HMGCLL1: variants seen among roughly 807,000 people sequenced by gnomAD.
The protein encoded by HMGCLL1 is 3-hydroxymethyl-3-methylglutaryl-CoA lyase, cytoplasmic.
Under a neutral mutation model 39.1 loss-of-function variants are expected in HMGCLL1, and 36 were observed. The ratio of observed to expected loss-of-function variants is 0.92; its 90% confidence interval spans 0.71 to 1.22. The LOEUF (loss-of-function observed/expected upper bound fraction) is 1.22. HMGCLL1 is among the 50% of genes most tolerant of loss of function. HMGCLL1 has a pLI of 0.00. For missense variants in HMGCLL1, 451 were observed against 416.5 expected (o/e 1.08, Z -0.72); for synonymous variants, 149 against 144.0 (o/e 1.03, Z -0.25).
chr6:55,577,679 C>A (rs1224291914), intron 1 of HMGCLL1, among the ~76,000 whole-genome samples: 1 of 152,060 alleles, frequency 6.6e-6, no homozygotes, highest in Admixed American at 6.5e-5. Context: ...AAAGAAAAAT[C>A]ATATAAACTC....
intron 7 of HMGCLL1, among the ~76,000 whole-genome samples, chr6:55,458,406 A>T (rs1764418977): frequency 2.0e-5 from 3 of 152,162 alleles, no homozygotes; most frequent in Non-Finnish European, 4.4e-5. Flanking sequence ...TGCATGTGTG[A>T]CTCAAGGTGG....
chr6:55,560,326 C>T (rs939789077), intron 1 of HMGCLL1, among the ~76,000 whole-genome samples: 4 of 152,078 alleles, frequency 2.6e-5, no homozygotes, highest in African/African-American at 7.2e-5. Context: ...TAGGAAATGA[C>T]GCCTAGTGGC....
At chr6:55,526,955 C>A (rs376825273) in intron 3 of HMGCLL1, among the ~76,000 whole-genome samples, 3 of 151,986 alleles carry the variant, frequency 2.0e-5, no homozygotes, top group African/African-American at 7.2e-5. Flanking sequence ...TGAAGTCTAA[C>A]ATCAACAGAA....
intron 7 of HMGCLL1, among the ~76,000 whole-genome samples, chr6:55,492,953 C>T (rs1272275024): frequency 6.6e-6 from 1 of 151,978 alleles, no homozygotes; most frequent in Admixed American, 6.6e-5. Flanking sequence ...CAGTATCGAT[C>T]TCTCCCCTCA....
the HMGCLL1 span, among the ~76,000 whole-genome samples, chr6:55,592,847 A>G: frequency 3.9e-5 from 6 of 152,232 alleles, no homozygotes; most frequent in South Asian, 6.2e-4. Flanking sequence ...CAACTAAGTT[A>G]CTACCAACAC....
the HMGCLL1 span, among the ~76,000 whole-genome samples, chr6:55,641,885 T>C: frequency 8.8e-6 from 1 of 113,684 alleles, no homozygotes; most frequent in Non-Finnish European, 1.8e-5. Flanking sequence ...TATTTTTATT[T>C]ATTTATTTAT....
At chr6:55,500,197 C>T (rs1766803550) in intron 5 of HMGCLL1, among the ~76,000 whole-genome samples, 1 of 151,922 alleles carries the variant, frequency 6.6e-6, no homozygotes, top group Non-Finnish European at 1.5e-5. Context: ...GTTTAGAAAG[C>T]AAAGCCTTTG....
At chr6:55,479,558 T>C (rs958623776) in intron 7 of HMGCLL1, among the ~76,000 whole-genome samples, 4 of 151,662 alleles carry the variant, frequency 2.6e-5, no homozygotes, top group Non-Finnish European at 4.4e-5. Flanking sequence ...TAAGTGATCT[T>C]CATGTAATAT....
intron 3 of HMGCLL1, among the ~76,000 whole-genome samples, chr6:55,541,016 CAGG>C (rs201907937): frequency 0.011 from 1,732 of 152,196 alleles, 14 homozygotes; most frequent in Middle Eastern, 0.031. Context: ...GAAATGATAT[CAGG>C]AGTAGTCAGT....
At chr6:55,523,713 G>A (rs116250112) in intron 3 of HMGCLL1, among the ~76,000 whole-genome samples, 1 of 151,954 alleles carries the variant, frequency 6.6e-6, no homozygotes, top group Non-Finnish European at 1.5e-5. Context: ...GTAGAGTAGA[G>A]CAAGAGTGCA....
intron 7 of HMGCLL1, among the ~76,000 whole-genome samples, chr6:55,463,256 TCCTGA>T (rs1253399988): frequency 6.6e-6 from 1 of 151,956 alleles, no homozygotes; most frequent in Non-Finnish European, 1.5e-5. Context: ...GGTCTCGAAC[TCCTGA>T]CCTCAGGCAA....
At chr6:55,543,614 T>C (rs1769778525) in intron 1 of HMGCLL1, among the ~76,000 whole-genome samples, 1 of 144,202 alleles carries the variant, frequency 6.9e-6, no homozygotes. Flanking sequence ...GCCAGCACTT[T>C]GGAAGGCCAA....
At chr6:55,676,218 T>C in the HMGCLL1 span, among the ~76,000 whole-genome samples, 5 of 152,022 alleles carry the variant, frequency 3.3e-5, no homozygotes, top group Non-Finnish European at 5.9e-5. Flanking sequence ...CAAACACTCT[T>C]ATGCTTAATG....
the HMGCLL1 span, among the ~76,000 whole-genome samples, chr6:55,658,174 G>A: frequency 3.3e-5 from 5 of 151,882 alleles, no homozygotes; most frequent in African/African-American, 4.8e-5. Context: ...GACAAGACTT[G>A]AGAATAGATG....
At chr6:55,664,317 C>T in the HMGCLL1 span, among the ~76,000 whole-genome samples, 4 of 151,656 alleles carry the variant, frequency 2.6e-5, no homozygotes, top group African/African-American at 7.3e-5. Context: ...AATGGTCTTT[C>T]CATATTTAGT....
At chr6:55,500,667 C>T (rs1766835330) in intron 5 of HMGCLL1, among the ~76,000 whole-genome samples, 1 of 151,904 alleles carries the variant, frequency 6.6e-6, no homozygotes, top group African/African-American at 2.4e-5. Flanking sequence ...AGACAGGAAG[C>T]TCATCCCTCC....
rs1767605371 is a variant in HMGCLL1 at position 55,514,055 on chromosome 6, C to T, written c.535G>A (p.Ala179Thr). 6.2e-7 allele frequency: 1 copy of T among 1,610,474 alleles called. No homozygotes were observed. The highest frequency in any genetic ancestry group is 1.7e-5 in the Admixed American group (1 of 59,408). ...VKSARHMNIP[A>T]RGYVSCALGC... ...GTGGGATTTCATAAGTACCCTCGTG[C>T]TGGAATATTCATGTGTCTTGCAGAC... Residue 179 changes from alanine (A) to threonine (T), a missense_variant, in exon 5 of 9, where the codon GCA becomes ACA. Coordinates refer to ENST00000274901, the MANE Select transcript of HMGCLL1 (RefSeq NM_001042406.2).
intron 7 of HMGCLL1, among the ~76,000 whole-genome samples, chr6:55,469,008 G>A (rs1764911795): frequency 6.6e-6 from 1 of 151,740 alleles, no homozygotes; most frequent in African/African-American, 2.4e-5. Context: ...AACTATGTAG[G>A]CCTCTATTTG....
chr6:55,647,165 T>C, the HMGCLL1 span, among the ~76,000 whole-genome samples: 1 of 152,166 alleles, frequency 6.6e-6, no homozygotes, highest in East Asian at 1.9e-4. Context: ...TGACCTTCTC[T>C]TTTTTTAAAG....
Sources: allele counts gnomAD v4.1 joint callset (sites outside exome capture counted in the v4.1 genomes callset), GRCh38; gene constraint gnomAD v4.1.1; transcripts MANE v1.5; gene names NCBI Gene and HGNC (gene_info 2026-07-23, HGNC 2026-07-21).